The following STK32B variants were observed in gnomAD, a reference collection of about 807,000 sequenced individuals.
The protein encoded by STK32B is serine/threonine-protein kinase 32B.
Under a neutral mutation model 52.6 loss-of-function variants are expected in STK32B, and 43 were observed. The observed-to-expected ratio is 0.82, with a 90% CI of 0.64 to 1.05. The LOEUF (loss-of-function observed/expected upper bound fraction) is 1.05. Among genes scored for constraint, STK32B ranks in the 50% least tolerant of loss-of-function variants. The pLI, the probability that STK32B is intolerant of heterozygous loss-of-function variation, is 0.00. For missense variants in STK32B, 621 were observed against 534.6 expected, an observed-to-expected ratio of 1.16 and a Z score of -1.59; for synonymous variants, 238 against 204.3, an observed-to-expected ratio of 1.17 and a Z score of -1.41.
intron 1 of STK32B, chr4:5,139,581 A>G (rs1389622404): frequency 3.2e-6 from 1 of 311,360 alleles, no homozygotes; most frequent in Non-Finnish European, 6.1e-6. Flanking sequence ...GCAAGGCCGT[A>G]CATTGTTGAC....
At chr4:5,458,184 G>A (rs1019752846) in intron 8 of STK32B, among the ~76,000 whole-genome samples, 1 of 152,148 alleles carries the variant, frequency 6.6e-6, no homozygotes, top group African/African-American at 2.4e-5. Context: ...TCTCCAGGTG[G>A]TTCTGGTGTG....
chr4:5,223,853 C>CT (rs1372620110), intron 3 of STK32B, among the ~76,000 whole-genome samples: 2 of 150,448 alleles, frequency 1.3e-5, no homozygotes. Context: ...TATTCTCCAA[C>CT]TTTAAGACTT....
At chr4:5,497,677 C>T (rs149218398) in intron 11 of STK32B, among the ~76,000 whole-genome samples, 38 of 151,418 alleles carry the variant, frequency 2.5e-4, no homozygotes, top group African/African-American at 8.8e-4. Flanking sequence ...CAAGTACCAG[C>T]ATTGTTGCAA....
chr4:5,481,302 G>T (rs1035252264), intron 11 of STK32B, among the ~76,000 whole-genome samples: 2 of 152,200 alleles, frequency 1.3e-5, no homozygotes, highest in Non-Finnish European at 2.9e-5. Context: ...GTATCTCATT[G>T]TGGTTTTGAT....
intron 3 of STK32B, among the ~76,000 whole-genome samples, chr4:5,312,888 C>G (rs1005135586): frequency 6.6e-6 from 1 of 152,182 alleles, no homozygotes; most frequent in East Asian, 1.9e-4. Flanking sequence ...GATGGTTGAA[C>G]TAGTTTACAG....
At chr4:5,340,749 A>C (rs62297275) in intron 4 of STK32B, among the ~76,000 whole-genome samples, 1 of 152,254 alleles carries the variant, frequency 6.6e-6, no homozygotes, top group Non-Finnish European at 1.5e-5. Context: ...ACTTTAAACT[A>C]TATACATATA....
At chr4:5,446,832 T>C in intron 7 of STK32B, 56 bp downstream of exon 7, 5 of 1,574,278 alleles carry the variant, frequency 3.2e-6, no homozygotes, top group Non-Finnish European at 4.4e-6. Flanking sequence ...GGGCTCACGT[T>C]GTACCTGGAC....
At chr4:5,165,783 C>G (rs1305163324) in intron 2 of STK32B, among the ~76,000 whole-genome samples, 1 of 152,196 alleles carries the variant, frequency 6.6e-6, no homozygotes, top group East Asian at 1.9e-4. Context: ...CTCACGTTCA[C>G]TACTGGAAAT....
intron 3 of STK32B, among the ~76,000 whole-genome samples, chr4:5,324,040 C>T (rs1485511777): frequency 6.6e-6 from 1 of 152,198 alleles, no homozygotes; most frequent in Non-Finnish European, 1.5e-5. Flanking sequence ...TTGTTGGGAA[C>T]ATTAAATGAG....
intron 2 of STK32B, among the ~76,000 whole-genome samples, chr4:5,144,918 G>C (rs1322000445): frequency 6.6e-6 from 1 of 152,120 alleles, no homozygotes; most frequent in Non-Finnish European, 1.5e-5. Context: ...CTGCCTTTGA[G>C]GATCTCTCAG....
chr4:5,077,968 A>G (rs1211030159), intron 1 of STK32B, among the ~76,000 whole-genome samples: 1 of 152,132 alleles, frequency 6.6e-6, no homozygotes, highest in African/African-American at 2.4e-5. Flanking sequence ...CAATAATGTC[A>G]TTGAAAACCC....
intron 3 of STK32B, among the ~76,000 whole-genome samples, chr4:5,172,387 A>C (rs1448277645): frequency 2.0e-5 from 3 of 152,116 alleles, no homozygotes; most frequent in African/African-American, 2.4e-5. Flanking sequence ...GTCTTGTGCC[A>C]GTTTTCAAAG....
intron 3 of STK32B, among the ~76,000 whole-genome samples, chr4:5,182,124 A>G (rs1456943372): frequency 2.6e-5 from 4 of 152,096 alleles, no homozygotes; most frequent in Non-Finnish European, 4.4e-5. Context: ...ATAAGAATCA[A>G]CTCCTCACCT....
chr4:5,112,012 C>G (rs962234048), intron 1 of STK32B, among the ~76,000 whole-genome samples: 1 of 152,102 alleles, frequency 6.6e-6, no homozygotes, highest in Non-Finnish European at 1.5e-5. Context: ...ATCATCCTAC[C>G]CTTTGTTTAA....
At chr4:5,040,537 A>G in the STK32B span, among the ~76,000 whole-genome samples, 8 of 152,032 alleles carry the variant, frequency 5.3e-5, no homozygotes, top group African/African-American at 1.9e-4. Context: ...GGGATTACAG[A>G]TGAGTGCCAC....
intron 3 of STK32B, among the ~76,000 whole-genome samples, chr4:5,299,268 A>G (rs67647916): frequency 6.6e-6 from 1 of 151,712 alleles, no homozygotes; most frequent in African/African-American, 2.4e-5. Flanking sequence ...CCTTCTTTTT[A>G]TCTTTTTTTA....
At chr4:5,125,904 A>G (rs28645821) in intron 1 of STK32B, among the ~76,000 whole-genome samples, 65,227 of 151,906 alleles carry the variant, frequency 0.43, 15,581 homozygotes, top group East Asian at 0.6. Context: ...AGAATTGTTC[A>G]GTGATCTGCC....
intron 2 of STK32B, among the ~76,000 whole-genome samples, chr4:5,156,029 C>T (rs555364249): frequency 6.6e-6 from 1 of 151,754 alleles, no homozygotes; most frequent in South Asian, 2.1e-4. Context: ...TGTACATATA[C>T]CTATAGATCC....
At chr4:5,217,316 T>A (rs1414603681) in intron 3 of STK32B, among the ~76,000 whole-genome samples, 1 of 152,202 alleles carries the variant, frequency 6.6e-6, no homozygotes. Flanking sequence ...ATATTTTCAG[T>A]TCTTCCTTGC....
Sources: gnomAD v4.1 joint callset for allele counts (sites outside exome capture counted in the v4.1 genomes callset) on GRCh38, gnomAD v4.1.1 for gene constraint, MANE v1.5 for transcripts, NCBI Gene and HGNC (gene_info 2026-07-23, HGNC 2026-07-21) for gene names.